GOLGA4: variants seen among roughly 807,000 people sequenced by gnomAD.
The protein encoded by GOLGA4 is golgin A4.
In GOLGA4, 169 loss-of-function variants were observed where a neutral mutation model predicts 265.9. The ratio of observed to expected loss-of-function variants is 0.64; its 90% CI spans 0.56 to 0.72. GOLGA4 has a LOEUF of 0.72. GOLGA4 is among the 30% of genes least tolerant of loss of function. The probability of loss-of-function intolerance (pLI) is 0.00; values close to 1 mark genes in which losing one functional copy is unlikely to be tolerated. For synonymous variants in GOLGA4, 923 were observed against 855.8 expected, an observed-to-expected ratio of 1.08 and a Z score of -1.37; for missense variants, 2,482 against 2,483.4, an observed-to-expected ratio of 1.00 and a Z score of 0.01.
At chr3:37,276,263 G>A in intron 2 of GOLGA4, 1 of 1,561,914 alleles carries the variant, frequency 6.4e-7, no homozygotes, top group Non-Finnish European at 8.8e-7. Context: ...CAAAAATAGA[G>A]TACGAAGTAG....
At chr3:37,295,999 GA>G in intron 6 of GOLGA4, 87 bp from the exon 7 acceptor site, 1 of 1,210,888 alleles carries the variant, frequency 8.3e-7, no homozygotes, top group Non-Finnish European at 1.2e-6. Flanking sequence ...GGGAATCCTG[GA>G]ACCAATCCCC....
chr3:37,256,234 T>C (rs1331226602), intron 2 of GOLGA4, among the ~76,000 whole-genome samples: 1 of 152,188 alleles, frequency 6.6e-6, no homozygotes, highest in Non-Finnish European at 1.5e-5. Flanking sequence ...CACACTGTCT[T>C]AATGAGTATC....
chr3:37,306,874 T>C (rs1197437916), intron 10 of GOLGA4, among the ~76,000 whole-genome samples: 1 of 152,144 alleles, frequency 6.6e-6, no homozygotes, highest in African/African-American at 2.4e-5. Flanking sequence ...ATTGTGACAA[T>C]TTTGAGATAT....
intron 8 of GOLGA4, 72 bp from the exon 9 acceptor site, chr3:37,299,216 A>T: frequency 9.4e-7 from 1 of 1,063,612 alleles, no homozygotes; most frequent in Non-Finnish European, 1.4e-6. Flanking sequence ...TATAAATTAG[A>T]TAAATGTTTA....
At chr3:37,304,135 T>G (rs1356062513) in intron 10 of GOLGA4, among the ~76,000 whole-genome samples, 2 of 152,164 alleles carry the variant, frequency 1.3e-5, no homozygotes, top group Non-Finnish European at 2.9e-5. Context: ...GATAGTTTTT[T>G]GGGGGAATAT....
rs367770791 is a variant in GOLGA4, at chr3:37,303,055, G to A, written c.1234+723G>A. ...GGTGTGGGCAGCACACATTTCAGAT[G>A]CTACAATGCCGTAAACAGGCACAGT... is the stretch of plus-strand genomic sequence containing the variant. On this transcript the variant is annotated intron_variant, in intron 10 of 23. Transcript: ENST00000361924. 5.3e-5 allele frequency among the ~76,000 whole-genome samples: 8 copies of A among 152,354 alleles called. No homozygotes were observed. In the East Asian group the frequency reaches 1.2e-3, roughly 22 times the overall value.
In GOLGA4 at chr3:37,291,845, T is replaced by C. The variant is rs143017224; in HGVS notation, c.582+2554T>C. Among the ~76,000 whole-genome samples, 238 of 152,306 alleles carry C rather than the reference T, an allele frequency of 1.6e-3. 2 individuals are homozygous for C. Among genetic ancestry groups the C allele is most frequent in the African/African-American group, 5.3e-3 (221 of 41,568 alleles). On this transcript the variant is annotated intron_variant, in intron 5 of 23. Coordinates refer to ENST00000361924, the MANE Select transcript of GOLGA4 (RefSeq NM_002078.5). The stretch of plus-strand genomic sequence containing the variant: ...CTTTATCTTCCTCTATTAGGAAATA[T>C]TAATACTTATCAGAGTCACAGATTG...
rs17036261 is a variant in GOLGA4, at chr3:37,348,078, C to T, written c.6576+782C>T. ...AGAATGGGATAATGAATTTTCTATGCTCGAAAGCAATCAGTGTTTTAATGT... is the reference window on the plus strand; with the variant it reads ...AGAATGGGATAATGAATTTTCTATGTTCGAAAGCAATCAGTGTTTTAATGT... On this transcript the variant is annotated intron_variant, in intron 21 of 23. Transcript: ENST00000361924. Among the ~76,000 whole-genome samples the T allele has an allele frequency of 3.8e-3, 581 of 152,102 alleles. 3 individuals carry two copies. The highest frequency in any genetic ancestry group is 0.013 in the African/African-American group (525 of 41,504).
At chr3:37,249,348 A>G (rs2096727799) in intron 1 of GOLGA4, among the ~76,000 whole-genome samples, 2 of 152,164 alleles carry the variant, frequency 1.3e-5, no homozygotes, top group African/African-American at 2.4e-5. Flanking sequence ...TTTTAGTCAC[A>G]TATTTTCTAG....
chr3:37,316,772 A>T (rs2096938719), intron 11 of GOLGA4, among the ~76,000 whole-genome samples: 2 of 152,060 alleles, frequency 1.3e-5, no homozygotes, highest in Non-Finnish European at 2.9e-5. Context: ...TCCCAGAGAT[A>T]GCCTGTGTAT....
intron 17 of GOLGA4, among the ~76,000 whole-genome samples, chr3:37,336,740 C>G (rs1441676424): frequency 1.3e-5 from 2 of 151,400 alleles, no homozygotes; most frequent in Admixed American, 6.6e-5. Flanking sequence ...TTGCACTCCA[C>G]CCTGGGCAAC....
chr3:37,329,521 A>G (rs1471869916), intron 16 of GOLGA4, among the ~76,000 whole-genome samples: 1 of 152,142 alleles, frequency 6.6e-6, no homozygotes, highest in Non-Finnish European at 1.5e-5. Flanking sequence ...TCTGGGAGGG[A>G]CAATCAACTT....
chr3:37,347,368 T>C (rs187525450), intron 21 of GOLGA4, 72 bp downstream of exon 21: 47 of 806,422 alleles, frequency 5.8e-5, no homozygotes, highest in Middle Eastern at 5.8e-4. Context: ...TTAATACACA[T>C]GTGAATGCCA....
Position 37,324,300 on chromosome 3 carries a change from C to G in GOLGA4, c.2414C>G (p.Ser805Cys), listed in dbSNP as rs752905162. The change falls in exon 14 of 24, where the codon TCT becomes TGT. Residue 805 changes from serine (S) to cysteine (C), a missense_variant. Transcript: ENST00000361924. ...QASAKLDVFQ[S>C]YQSATHEQTK... is the part of the protein sequence containing the mutation. ...TCTGCTAAGCTGGACGTTTTTCAGTCTTACCAGAGTGCCACACATGAGCAG... is the reference window on the plus strand; with the variant it reads ...TCTGCTAAGCTGGACGTTTTTCAGTGTTACCAGAGTGCCACACATGAGCAG... 3.1e-6 allele frequency: 5 copies of G among 1,614,146 alleles called. No individual in the cohort carries two copies. Among genetic ancestry groups the G allele is most frequent in the Non-Finnish European group, 4.2e-6 (5 of 1,180,026 alleles).
chr3:37,295,970 G>A lies in GOLGA4; in HGVS notation c.682-117G>A, dbSNP rs192221157. On this transcript the variant is annotated intron_variant, in intron 6 of 23. Coordinates refer to ENST00000361924, the MANE Select transcript of GOLGA4 (RefSeq NM_002078.5). Reference sequence around the variant, plus strand: ...TTTTATATAATGGACTTGAGCTCCTGCGGATTTTGGTATTAACAGGGAATC... The same window carrying A: ...TTTTATATAATGGACTTGAGCTCCTACGGATTTTGGTATTAACAGGGAATC... 6.1e-4 allele frequency: 491 copies of A among 808,518 alleles called. 2 individuals are homozygous for A. In the African/African-American group the frequency reaches 7.6e-3, roughly 13 times the overall value. 50.1% of individuals were successfully genotyped at this position (808,518 alleles called of 1,614,324 possible). A position where few individuals can be genotyped will look rare whatever the true frequency, so the allele number is the denominator to read the frequency against.
chr3:37,295,371 A>C lies in GOLGA4; in HGVS notation c.681+294A>C, dbSNP rs183386650. 3.7e-3 allele frequency among the ~76,000 whole-genome samples: 561 copies of C among 152,218 alleles called. 3 individuals are homozygous for C. The highest frequency in any genetic ancestry group is 0.013 in the African/African-American group (532 of 41,526). ...GTGGCTGGGAATACAGGCATATGCC[A>C]CCACGCCCAGCTAATTTTTAAATTT... On this transcript the variant is annotated intron_variant, in intron 6 of 23. Coordinates refer to ENST00000361924, the MANE Select transcript of GOLGA4 (RefSeq NM_002078.5).
Position 37,296,128 on chromosome 3 carries a change from T to C in GOLGA4, c.723T>C (p.Asn241=). ...AACGATTACGAAATGGCCCGATGAA[T>C]GTTGATGTACTGAAACCACTTCCTC... The part of the protein sequence containing the change: ...LKQRLRNGPM[N]VDVLKPLPQL... Residue 241 remains asparagine (N), a synonymous_variant, in exon 7 of 24, where the codon AAT becomes AAC. Transcript: ENST00000361924. 1 of 1,613,674 alleles carries C rather than the reference T, an allele frequency of 6.2e-7. No homozygotes were observed. The highest frequency in any genetic ancestry group is 8.5e-7 in the Non-Finnish European group (1 of 1,179,552).
At chr3:37,276,211 A>G (rs2150742464) in intron 2 of GOLGA4, 1 of 1,570,500 alleles carries the variant, frequency 6.4e-7, no homozygotes. Flanking sequence ...CTCAAATTGA[A>G]GAAGCTATAT....
chr3:37,314,618 G>T (rs2096932030), intron 10 of GOLGA4, among the ~76,000 whole-genome samples: 1 of 148,494 alleles, frequency 6.7e-6, no homozygotes, highest in Non-Finnish European at 1.5e-5. Flanking sequence ...TCCATCCTGG[G>T]TGACGGAGCA....
Sources: allele counts gnomAD v4.1 joint callset (sites outside exome capture counted in the v4.1 genomes callset), GRCh38; gene constraint gnomAD v4.1.1; transcripts MANE v1.5; gene names NCBI Gene and HGNC (gene_info 2026-07-23, HGNC 2026-07-21).